The following ABLIM1 variants were observed in gnomAD, a reference collection of about 807,000 sequenced individuals.
ABLIM1 encodes the protein actin binding LIM protein 1, also known as actin-binding LIM protein 1.
ABLIM1 carries 40 observed loss-of-function variants against 107.0 expected under a neutral mutation model. That is an observed-to-expected ratio of 0.37 (90% CI 0.29 to 0.49). The LOEUF is 0.49. Ranked by LOEUF, ABLIM1 falls within the 20% of genes least tolerant of loss-of-function variation. The pLI is 0.97. For missense variants in ABLIM1, 857 were observed against 1,008.5 expected, an observed-to-expected ratio of 0.85 and a Z score of 2.04; for synonymous variants, 357 against 357.3, an observed-to-expected ratio of 1.00 and a Z score of 0.01.
At chr10:114,587,956 T>C (rs886292409) in intron 2 of ABLIM1, among the ~76,000 whole-genome samples, 1 of 152,168 alleles carries the variant, frequency 6.6e-6, no homozygotes, top group African/African-American at 2.4e-5. Context: ...GTAGGTACCA[T>C]GTTATGTATA....
In ABLIM1 at chr10:114,435,541, G is replaced by C. The variant is rs2059289520; in HGVS notation, c.*719C>G. Reference sequence around the variant, plus strand: ...TGCTATGGGAAGCAGAAAGAGTTAAGGGAAGGTTTCCTTTCATTCCTGTTC... The same window carrying C: ...TGCTATGGGAAGCAGAAAGAGTTAACGGAAGGTTTCCTTTCATTCCTGTTC... On this transcript the variant is annotated 3_prime_UTR_variant, in exon 23 of 23. Coordinates refer to ENST00000533213, the MANE Select transcript of ABLIM1 (RefSeq NM_002313.7). 6.6e-6 allele frequency: 1 copy of C among 152,216 alleles called. No individual in the cohort carries two copies. The highest frequency in any genetic ancestry group is 2.4e-5 in the African/African-American group (1 of 41,452). The allele number at this position is 152,216 out of a possible 1,614,324, so 9.4% of individuals were successfully genotyped here.
At chr10:114,516,316 G>C (rs896323736) in intron 6 of ABLIM1, among the ~76,000 whole-genome samples, 4 of 152,154 alleles carry the variant, frequency 2.6e-5, no homozygotes, top group Non-Finnish European at 4.4e-5. Flanking sequence ...TTGAGGCCAG[G>C]AGTTTAAGAC....
chr10:114,781,242 G>A, the ABLIM1 span, among the ~76,000 whole-genome samples: 1 of 152,126 alleles, frequency 6.6e-6, no homozygotes, highest in Non-Finnish European at 1.5e-5. Context: ...AGTGGCTTAA[G>A]TCTGTAATCC....
chr10:114,783,652 T>G, the ABLIM1 span, among the ~76,000 whole-genome samples: 1 of 150,988 alleles, frequency 6.6e-6, no homozygotes, highest in Non-Finnish European at 1.5e-5. Flanking sequence ...AAAAATAGCA[T>G]CTTGTGAAGG....
intron 2 of ABLIM1, among the ~76,000 whole-genome samples, chr10:114,581,649 T>C (rs758014088): frequency 6.6e-6 from 1 of 152,128 alleles, no homozygotes; most frequent in Non-Finnish European, 1.5e-5. Context: ...GCATTTTAAT[T>C]GGGGTGCCAG....
chr10:114,487,819 AT>A (rs1053812048), intron 8 of ABLIM1, 138 bp downstream of exon 8: 21 of 1,031,860 alleles, frequency 2.0e-5, no homozygotes, highest in African/African-American at 4.7e-5. Flanking sequence ...CCCTAGCCAA[AT>A]GGCCTTTGAA....
At chr10:114,468,710 A>G (rs574211970) in intron 10 of ABLIM1, among the ~76,000 whole-genome samples, 1 of 152,116 alleles carries the variant, frequency 6.6e-6, no homozygotes, top group Non-Finnish European at 1.5e-5. Flanking sequence ...TCAGACAGGT[A>G]GACTCTGACA....
At chr10:114,784,909 C>A in the ABLIM1 span, among the ~76,000 whole-genome samples, 34 of 151,300 alleles carry the variant, frequency 2.2e-4, 1 homozygote, top group African/African-American at 8.4e-4. Context: ...CATTGAATTG[C>A]AGATGATTTT....
chr10:114,786,860 A>T, the ABLIM1 span, among the ~76,000 whole-genome samples: 1 of 152,156 alleles, frequency 6.6e-6, no homozygotes, highest in Non-Finnish European at 1.5e-5. Flanking sequence ...TCCACCTCCC[A>T]GCAGCCTGCC....
At chr10:114,615,207 T>C (rs1183712121) in intron 1 of ABLIM1, among the ~76,000 whole-genome samples, 1 of 152,222 alleles carries the variant, frequency 6.6e-6, no homozygotes, top group African/African-American at 2.4e-5. Flanking sequence ...CTAATCCTTC[T>C]TTCACTGCCC....
the ABLIM1 span, among the ~76,000 whole-genome samples, chr10:114,786,958 C>A: frequency 6.6e-6 from 1 of 150,680 alleles, no homozygotes; most frequent in African/African-American, 2.4e-5. Context: ...GGCCGCCCAT[C>A]GTCTGGGATG....
chr10:114,581,063 C>T (rs1321533244), intron 2 of ABLIM1, among the ~76,000 whole-genome samples: 2 of 152,182 alleles, frequency 1.3e-5, no homozygotes, highest in South Asian at 4.1e-4. Context: ...CTTGTGGATG[C>T]TATGCTCTGG....
At chr10:114,653,808 A>T (rs1019567253) in intron 1 of ABLIM1, among the ~76,000 whole-genome samples, 2 of 152,146 alleles carry the variant, frequency 1.3e-5, no homozygotes, top group East Asian at 1.9e-4. Flanking sequence ...ATGTTCACTG[A>T]TATATTTGTT....
intron 1 of ABLIM1, among the ~76,000 whole-genome samples, chr10:114,704,302 C>CTATATATATATATATATATATATATA (rs369952218): frequency 4.6e-5 from 2 of 43,058 alleles, no homozygotes; most frequent in Non-Finnish European, 4.7e-5. Context: ...CTCTCTCTCT[C>CTATATATATATATATATATATATATA]TATATATATA....
chr10:114,432,784 C>T lies in ABLIM1; in HGVS notation c.*3476G>A, dbSNP rs960917683. 6.6e-6 allele frequency: 1 copy of T among 152,080 alleles called. No individual in the cohort carries two copies. The highest frequency in any genetic ancestry group is 1.5e-5 in the Non-Finnish European group (1 of 68,016). The allele number at this position is 152,080 out of a possible 1,614,324, so 9.4% of individuals were successfully genotyped here. On this transcript the variant is annotated 3_prime_UTR_variant, in exon 23 of 23. Coordinates refer to ENST00000533213, the MANE Select transcript of ABLIM1 (RefSeq NM_002313.7). ...GCTAGAGCCCATGACAGATAGAAAA[C>T]TACCCCCATTTAAAAAAAAACAACA...
At chr10:114,693,495 C>T (rs2081128568) in intron 1 of ABLIM1, among the ~76,000 whole-genome samples, 1 of 152,198 alleles carries the variant, frequency 6.6e-6, no homozygotes, top group African/African-American at 2.4e-5. Flanking sequence ...GTACATTGCC[C>T]CTACAGGACG....
intron 8 of ABLIM1, among the ~76,000 whole-genome samples, chr10:114,486,030 C>A (rs559540746): frequency 6.6e-6 from 1 of 152,280 alleles, no homozygotes; most frequent in East Asian, 1.9e-4. Context: ...CCTGACCTCC[C>A]ACGTAGTGAA....
chr10:114,701,850 C>T (rs184986790), intron 1 of ABLIM1, among the ~76,000 whole-genome samples: 159 of 152,258 alleles, frequency 1.0e-3, no homozygotes, highest in African/African-American at 3.5e-3. Context: ...ATCTGTAAAA[C>T]TTCTATAGCC....
In ABLIM1 at chr10:114,734,444, T is replaced by G. The variant is rs536171953; in HGVS notation, c.-213+33617A>C. 3.3e-5 allele frequency among the ~76,000 whole-genome samples: 5 copies of G among 152,270 alleles called. No individual in the cohort carries two copies. The South Asian group carries it at 1.0e-3, about 32-fold the overall frequency. On this transcript the variant is annotated intron_variant, in intron 1 of 15. Transcript: ENST00000651092. ...CAATGACACTCTCCCAAAGTCTCCA[T>G]TCTAGCCAAATTGGTTTCCTTCAGT...
Sources: gnomAD v4.1 joint callset for allele counts (sites outside exome capture counted in the v4.1 genomes callset) on GRCh38, gnomAD v4.1.1 for gene constraint, MANE v1.5 for transcripts, NCBI Gene and HGNC (gene_info 2026-07-23, HGNC 2026-07-21) for gene names.